The following KIRREL2 variants were observed in gnomAD, a reference collection of about 807,000 sequenced individuals.
KIRREL2 encodes kirre like nephrin family adhesion molecule 2.
A neutral mutation model predicts 73.4 loss-of-function variants in KIRREL2; 56 were observed. The ratio of observed to expected loss-of-function variants is 0.76; its 90% CI spans 0.62 to 0.95. The LOEUF is 0.95. KIRREL2 is among the 40% of genes least tolerant of loss of function. KIRREL2 has a pLI of 0.00. For missense variants in KIRREL2, 896 were observed against 935.0 expected, an observed-to-expected ratio of 0.96 and a Z score of 0.54; for synonymous variants, 407 against 404.0, an observed-to-expected ratio of 1.01 and a Z score of -0.09.
intron 12 of KIRREL2, 29 bp downstream of exon 12, chr19:35,862,626 C>T (rs780292660): frequency 2.6e-6 from 4 of 1,542,296 alleles, no homozygotes; most frequent in South Asian, 1.1e-5. Flanking sequence ...CCCCGGCTCC[C>T]GAGGCCCCAG....
upstream of KIRREL2, among the ~76,000 whole-genome samples, chr19:35,854,575 G>A (rs570067795): frequency 2.0e-5 from 3 of 152,200 alleles, no homozygotes; most frequent in South Asian, 2.1e-4. Flanking sequence ...AGCCTGACTC[G>A]GCCTCCCAAA....
intron 2 of KIRREL2, 42 bp downstream of exon 2, chr19:35,857,536 G>C (rs1204409494): frequency 6.7e-7 from 1 of 1,499,134 alleles, no homozygotes; most frequent in Admixed American, 2.4e-5. Context: ...TGGCTAGGGG[G>C]AGAGTTGCTG....
chr19:35,860,868 A>C, intron 7 of KIRREL2, 41 bp from the exon 8 acceptor site: 1 of 1,611,874 alleles, frequency 6.2e-7, no homozygotes, highest in Non-Finnish European at 8.5e-7. Flanking sequence ...CAGTGGCTGC[A>C]TTCCGCCCCG....
rs1412996071 is a variant in KIRREL2, at chr19:35,862,019, G to A, written c.1505G>A (p.Arg502His). Residue 502 changes from arginine to histidine, a missense_variant, in exon 11 of 15, where the codon CGT becomes CAT. Physicochemically the swap from Arg to His is conservative, Grantham distance 29. Transcript: ENST00000360202. ...GEGGAQASLGRRDLLPTVRIV... is the reference protein window; with the variant it reads ...GEGGAQASLGHRDLLPTVRIV... Reference sequence around the variant, plus strand: ...GGAGGTGCCCAGGCCAGCCTGGGCCGTAGAGGTGAGACCCCAGCCCGAAGA... The same window carrying A: ...GGAGGTGCCCAGGCCAGCCTGGGCCATAGAGGTGAGACCCCAGCCCGAAGA... 3 of 1,605,980 alleles carry A rather than the reference G, an allele frequency of 1.9e-6. No individual in the cohort carries two copies. The highest frequency in any genetic ancestry group is 1.3e-5 in the African/African-American group (1 of 74,954).
In KIRREL2 at chr19:35,861,210, C is replaced by G; in HGVS notation, c.1145C>G (p.Ser382Trp). The change falls in exon 9 of 15, where the codon TCG (serine) becomes TGG (tryptophan). Residue 382 changes from serine to tryptophan, a missense_variant. By Grantham distance (177) the Ser-to-Trp change is radical. Transcript: ENST00000360202. ...GTGTGCAGAGCTGAGGCTGGGCTAT[C>G]GGGCCTGCGGGGCGGCGCCGCGGAG... The part of the protein sequence containing the change: ...DYVCRAEAGL[S>W]GLRGGAAEAR... The G allele has an allele frequency of 6.5e-7, 1 of 1,538,026 alleles. No individual in the cohort carries two copies. Among genetic ancestry groups the G allele is most frequent in the East Asian group, 2.3e-5 (1 of 43,780 alleles).
chr19:35,860,700 AG>A (rs768682912), intron 7 of KIRREL2, 33 bp downstream of exon 7: 1 of 1,598,864 alleles, frequency 6.3e-7, no homozygotes, highest in South Asian at 1.1e-5. Flanking sequence ...GTGTGGTCAA[AG>A]GTGGCCGTGG....
chr19:35,857,231 T>A, intron 1 of KIRREL2, 51 bp downstream of exon 1: 1 of 1,597,748 alleles, frequency 6.3e-7, no homozygotes, highest in Non-Finnish European at 8.6e-7. Flanking sequence ...GGGAGTTGCT[T>A]GCGGGCTGCC....
chr19:35,857,967 C>T (rs764070184), intron 2 of KIRREL2, among the ~76,000 whole-genome samples: 19 of 144,458 alleles, frequency 1.3e-4, no homozygotes, highest in South Asian at 4.3e-4. Flanking sequence ...CACTGCACTT[C>T]AGGCAATGGT....
At chr19:35,851,432 A>AGG (rs763082105), upstream of KIRREL2, 3 of 1,612,688 alleles carry the variant, frequency 1.9e-6, no homozygotes, top group Non-Finnish European at 2.5e-6. Context: ...CTGGTGGCTG[A>AGG]GGGTCTCAGG....
At chr19:35,863,146 T>C in intron 13 of KIRREL2, 110 bp downstream of exon 13, 1 of 651,574 alleles carries the variant, frequency 1.5e-6, no homozygotes, top group Non-Finnish European at 2.7e-6. Flanking sequence ...GCATGGTGCC[T>C]GACGTTGGTA....
chr19:35,855,323 C>A (rs1014753182), upstream of KIRREL2, among the ~76,000 whole-genome samples: 1 of 152,002 alleles, frequency 6.6e-6, no homozygotes, highest in Non-Finnish European at 1.5e-5. Context: ...CACCCTCCAC[C>A]TTGGCTGTTT....
chr19:35,860,911 G>T lies in KIRREL2; in HGVS notation c.931G>T (p.Gly311Trp). ...GACCCCTAGTCTCTTTCGTCCAGTTGGGCCGATTCTGCAGGCAAAGCCGGA... is the reference window on the plus strand; with the variant it reads ...GACCCCTAGTCTCTTTCGTCCAGTTTGGCCGATTCTGCAGGCAAAGCCGGA... ...NRSTALDVLF[G>W]PILQAKPEPV... Residue 311 changes from glycine to tryptophan, a missense_variant and splice_region_variant, in exon 8 of 15, where the codon GGG becomes TGG. Gly to Trp is a radical substitution (Grantham distance 184). Coordinates refer to ENST00000360202, the MANE Select transcript of KIRREL2 (RefSeq NM_199180.4). 1 of 1,613,922 alleles carries T rather than the reference G, an allele frequency of 6.2e-7. No homozygotes were observed. Among genetic ancestry groups the T allele is most frequent in the Non-Finnish European group, 8.5e-7 (1 of 1,179,962 alleles).
rs138316390 is a variant in KIRREL2, at chr19:35,862,093, C to T, written c.1510+69C>T. 2.0e-5 allele frequency: 27 copies of T among 1,380,322 alleles called. No homozygotes were observed. In the East Asian group the frequency reaches 6.4e-4, roughly 33 times the overall value. The allele number at this position is 1,380,322 out of a possible 1,614,324, so 85.5% of individuals were successfully genotyped here. On this transcript the variant is annotated intron_variant, in intron 11 of 14. Transcript: ENST00000360202. ...CCCACAAACGCAGGGATCCCCCAGCCGAGGGCTGCAAAACCTCATACCCTC... is the reference window on the plus strand; with the variant it reads ...CCCACAAACGCAGGGATCCCCCAGCTGAGGGCTGCAAAACCTCATACCCTC...
intron 2 of KIRREL2, 105 bp downstream of exon 2, chr19:35,857,599 G>C: frequency 8.3e-7 from 1 of 1,209,368 alleles, no homozygotes; most frequent in Non-Finnish European, 1.1e-6. Context: ...TTGGGAAATT[G>C]ATGGGCTCGG....
intron 5 of KIRREL2, 95 bp downstream of exon 5, chr19:35,859,726 T>G: frequency 7.1e-7 from 1 of 1,410,358 alleles, no homozygotes; most frequent in East Asian, 2.4e-5. Context: ...ATGAGGAAAC[T>G]GGAGCCTGGA....
At chr19:35,855,392 A>G (rs1181499187), upstream of KIRREL2, among the ~76,000 whole-genome samples, 2 of 151,858 alleles carry the variant, frequency 1.3e-5, no homozygotes, top group Non-Finnish European at 2.9e-5. Flanking sequence ...CCGTAGCCCC[A>G]GAGAGCCAGG....
chr19:35,861,751 C>T, intron 10 of KIRREL2, 54 bp from the exon 11 acceptor site: 1 of 1,587,342 alleles, frequency 6.3e-7, no homozygotes, highest in Non-Finnish European at 8.6e-7. Context: ...ATCCCTCCTG[C>T]TTCTTCCTCC....
upstream of KIRREL2, among the ~76,000 whole-genome samples, chr19:35,855,185 C>G (rs996396462): frequency 6.6e-6 from 1 of 152,128 alleles, no homozygotes; most frequent in African/African-American, 2.4e-5. Context: ...CTCTACACCC[C>G]CTGGGAAATG....
Position 35,860,287 on chromosome 19 carries a change from A to G in KIRREL2, c.674-10A>G, listed in dbSNP as rs755905047. ...TCCTTGCCCATCTGACCATTGTCCC[A>G]CCCTCACAGACCCCCCAGAGGTGAC... On this transcript the variant is annotated splice_polypyrimidine_tract_variant and intron_variant, in intron 5 of 14. Coordinates refer to ENST00000360202, the MANE Select transcript of KIRREL2 (RefSeq NM_199180.4). The G allele has an allele frequency of 1.7e-5, 27 of 1,612,098 alleles. No individual in the cohort carries two copies. Among genetic ancestry groups the G allele is most frequent in the Non-Finnish European group, 2.1e-5 (25 of 1,178,832 alleles).
Sources: allele counts gnomAD v4.1 joint callset (sites outside exome capture counted in the v4.1 genomes callset), GRCh38; gene constraint gnomAD v4.1.1; transcripts MANE v1.5; gene names NCBI Gene and HGNC (gene_info 2026-07-23, HGNC 2026-07-21).